ABCG5: variants seen among roughly 807,000 people sequenced by gnomAD.
ABCG5 encodes the protein ATP binding cassette subfamily G member 5, also known as ATP-binding cassette sub-family G member 5.
ABCG5 carries 64 observed loss-of-function variants against 64.5 expected under a neutral mutation model. That is an observed-to-expected ratio of 0.99 (90% CI 0.81 to 1.22). ABCG5 has a LOEUF of 1.22. ABCG5 is among the 50% of genes most tolerant of loss of function. The pLI is 0.00. For synonymous variants in ABCG5, 385 were observed against 326.3 expected (o/e 1.18, Z -1.94); for missense variants, 908 against 829.5 (o/e 1.09, Z -1.16).
Position 43,838,232 on chromosome 2 carries a change from A to T in ABCG5, c.144-277T>A. The stretch of plus-strand genomic sequence containing the variant: ...CTGCATTCTTTCACCAGGTTTCAAG[A>T]CTCCTTGCATTCGCAGTACCCCCAT... On this transcript the variant is annotated intron_variant, in intron 1 of 12. Transcript: ENST00000405322. The surrounding 1 kb of genome is among the most constrained non-coding windows in gnomAD (Gnocchi z 4.2). 1 of 592,910 alleles carries T rather than the reference A, an allele frequency of 1.7e-6. No homozygotes were observed. The highest frequency in any genetic ancestry group is 3.0e-6 in the Non-Finnish European group (1 of 335,236). The allele number at this position is 592,910 out of a possible 1,614,324, so 36.7% of individuals were successfully genotyped here. A position where few individuals can be genotyped will look rare whatever the true frequency, so the allele number is the denominator to read the frequency against.
At chr2:43,809,406 A>T (rs965677076), downstream of ABCG5, among the ~76,000 whole-genome samples, 2 of 152,248 alleles carry the variant, frequency 1.3e-5, no homozygotes, top group African/African-American at 4.8e-5. Flanking sequence ...ACAGATGTCT[A>T]GTTCATTAGT....
At chr2:43,810,380 G>A (rs748144134), downstream of ABCG5, 10 of 985,310 alleles carry the variant, frequency 1.0e-5, no homozygotes, top group Non-Finnish European at 1.2e-5. Context: ...TTGAAGAACA[G>A]GCACATCTAA....
chr2:43,823,135 GCAATA>G (rs1431835658), intron 9 of ABCG5, among the ~76,000 whole-genome samples, 200 bp from the exon 10 acceptor site: 2 of 152,158 alleles, frequency 1.3e-5, no homozygotes, highest in Non-Finnish European at 2.9e-5. Flanking sequence ...TACCAGAATT[GCAATA>G]CAATTGCAAA....
In ABCG5 at chr2:43,838,444, A is replaced by C; in HGVS notation, c.143+93T>G. On this transcript the variant is annotated intron_variant, in intron 1 of 12. Coordinates refer to ENST00000405322, the MANE Select transcript of ABCG5 (RefSeq NM_022436.3). This position sits in a 1 kb window ranked among gnomAD's most constrained non-coding sequence, Gnocchi z 4.2. Reference sequence around the variant, plus strand: ...TAAAGAGGGAGCCCGAAGTGCCCAGACTGGCACTTAAAGAGTGAAGAAAGG... The same window carrying C: ...TAAAGAGGGAGCCCGAAGTGCCCAGCCTGGCACTTAAAGAGTGAAGAAAGG... 7.8e-7 allele frequency: 1 copy of C among 1,277,728 alleles called. No individual in the cohort carries two copies. The highest frequency in any genetic ancestry group is 1.1e-6 in the Non-Finnish European group (1 of 907,970). 79.1% of individuals were successfully genotyped at this position (1,277,728 alleles called of 1,614,324 possible).
intron 5 of ABCG5, 141 bp from the exon 6 acceptor site, chr2:43,826,662 C>A: frequency 7.5e-7 from 1 of 1,336,298 alleles, no homozygotes. Flanking sequence ...TGTAAACTGG[C>A]TTTCAGCCTG....
Position 43,831,750 on chromosome 2 carries a change from A to T in ABCG5, c.501+19T>A. ...AAAGGTACTCAGTTTGCCCTCTGTG[A>T]GCGGGGGGCTGCACCCACCTTCTTC... is the stretch of plus-strand genomic sequence containing the variant. On this transcript the variant is annotated intron_variant, in intron 4 of 12. Coordinates refer to ENST00000405322, the MANE Select transcript of ABCG5 (RefSeq NM_022436.3). The T allele has an allele frequency of 6.4e-7, 1 of 1,562,088 alleles. No homozygotes were observed. The highest frequency in any genetic ancestry group is 1.2e-5 in the South Asian group (1 of 85,122).
At chr2:43,839,055 T>C (rs538699999), upstream of ABCG5, 91 of 1,550,914 alleles carry the variant, frequency 5.9e-5, no homozygotes, top group South Asian at 1.0e-3. Context: ...GTGGGCCCCA[T>C]GGCCGGGAAG....
Position 43,838,197 on chromosome 2 carries a change from G to A in ABCG5, c.144-242C>T. On this transcript the variant is annotated intron_variant, in intron 1 of 12. Coordinates refer to ENST00000405322, the MANE Select transcript of ABCG5 (RefSeq NM_022436.3). This position sits in a 1 kb window ranked among gnomAD's most constrained non-coding sequence, Gnocchi z 4.2. ...AATGTCCTGTCCGTTTGGCTGCGAG[G>A]TGGCTGTCCCTGCATTCTTTCACCA... 1.7e-6 allele frequency: 1 copy of A among 604,524 alleles called. No homozygotes were observed. Among genetic ancestry groups the A allele is most frequent in the East Asian group, 2.9e-5 (1 of 35,072 alleles). 37.4% of individuals were successfully genotyped at this position (604,524 alleles called of 1,614,324 possible).
rs547329559 is a variant in ABCG5, at chr2:43,814,062, TC to T, written c.1762+414del. On this transcript the variant is annotated intron_variant, in intron 12 of 12. Transcript: ENST00000405322. ...ATGAGGTCCTTGTCTTGGTTCTACTTCCATCTGGTGGGATTGAGGAATAGAC... is the reference window on the plus strand; with the variant it reads ...ATGAGGTCCTTGTCTTGGTTCTACTTCATCTGGTGGGATTGAGGAATAGAC... Among the ~76,000 whole-genome samples the T allele has an allele frequency of 2.6e-5, 4 of 152,274 alleles. No individual in the cohort carries two copies. The South Asian group carries it at 8.3e-4, about 32-fold the overall frequency.
rs144421803 is a variant in ABCG5 at position 43,833,744 on chromosome 2, G to A, written c.266-1661C>T. 7.9e-3 allele frequency among the ~76,000 whole-genome samples: 1,209 copies of A among 152,114 alleles called. 15 individuals carry two copies. Among genetic ancestry groups the A allele is most frequent in the African/African-American group, 0.028 (1,159 of 41,456 alleles). ...CTATTGCCCAGGCTGGAGTACAGTGGCAAGATCTCAGCTCACTGCAACCGC... is the reference window on the plus strand; with the variant it reads ...CTATTGCCCAGGCTGGAGTACAGTGACAAGATCTCAGCTCACTGCAACCGC... On this transcript the variant is annotated intron_variant, in intron 2 of 12. Transcript: ENST00000405322.
chr2:43,831,756 G>T lies in ABCG5; in HGVS notation c.501+13C>A. 1.3e-6 allele frequency: 2 copies of T among 1,566,740 alleles called. No individual in the cohort carries two copies. Among genetic ancestry groups the T allele is most frequent in the Middle Eastern group, 2.0e-4 (1 of 4,980 alleles). On this transcript the variant is annotated intron_variant, in intron 4 of 12. Transcript: ENST00000405322. ...ACTCAGTTTGCCCTCTGTGAGCGGG[G>T]GGCTGCACCCACCTTCTTCTGGAAG... is the stretch of plus-strand genomic sequence containing the variant.
chr2:43,820,132 C>G, intron 10 of ABCG5, 32 bp from the exon 11 acceptor site: 1 of 1,602,178 alleles, frequency 6.2e-7, no homozygotes, highest in South Asian at 1.1e-5. Context: ...AGTTTCCTCT[C>G]CAAGGGCTAT....
chr2:43,825,167 G>T, intron 6 of ABCG5, 149 bp from the exon 7 acceptor site: 1 of 906,666 alleles, frequency 1.1e-6, no homozygotes, highest in Non-Finnish European at 1.7e-6. Flanking sequence ...TAAGCAGTCA[G>T]TCCTTCGATG....
In ABCG5 at chr2:43,823,912, C is replaced by A. The variant is rs762490282; in HGVS notation, c.1324+1G>T. The A allele has an allele frequency of 1.2e-6, 2 of 1,613,876 alleles. No individual in the cohort carries two copies. The highest frequency in any genetic ancestry group is 1.7e-5 in the Admixed American group (1 of 60,022). On this transcript the variant is annotated splice_donor_variant, in intron 9 of 12. Coordinates refer to ENST00000405322, the MANE Select transcript of ABCG5 (RefSeq NM_022436.3). LOFTEE classifies it high-confidence loss of function. Reference sequence around the variant, plus strand: ...TGCACCTCCAGCACGTGGGCACTTACACAGATTCACAGCGTTCAGCATGCC... The same window carrying A: ...TGCACCTCCAGCACGTGGGCACTTAAACAGATTCACAGCGTTCAGCATGCC...
chr2:43,819,997 T>C lies in ABCG5; in HGVS notation c.1567A>G (p.Ile523Val), dbSNP rs140899003. The C allele has an allele frequency of 1.9e-3, 3,060 of 1,614,184 alleles. 10 individuals are homozygous for C. Among genetic ancestry groups the C allele is most frequent in the Non-Finnish European group, 2.1e-3 (2,421 of 1,180,042 alleles). ...TTGACTATATTTGGATTTTGGACGA[T>C]ACCAAGTAGCACAAGAGTTAGAAAT... ...GEFLTLVLLG[I>V]VQNPNIVNSV... Residue 523 changes from isoleucine (I) to valine (V), a missense_variant, in exon 11 of 13, where the codon ATC becomes GTC. Transcript: ENST00000405322.
At chr2:43,810,381 G>C (rs186836054), downstream of ABCG5, 125 of 985,270 alleles carry the variant, frequency 1.3e-4, no homozygotes, top group East Asian at 0.01. Context: ...TGAAGAACAG[G>C]CACATCTAAG....
In ABCG5 at chr2:43,838,807, A is replaced by G. The variant is rs1668448555; in HGVS notation, c.-128T>C. On this transcript the variant is annotated 5_prime_UTR_variant, in exon 1 of 13. Coordinates refer to ENST00000405322, the MANE Select transcript of ABCG5 (RefSeq NM_022436.3). This position sits in a 1 kb window ranked among gnomAD's most constrained non-coding sequence, Gnocchi z 4.2. ...TGACCCCGGAGTCCCTTGGGACAGCAGGACTGGGACTTGGCCACGGAGACC... is the reference window on the plus strand; with the variant it reads ...TGACCCCGGAGTCCCTTGGGACAGCGGGACTGGGACTTGGCCACGGAGACC... The G allele has an allele frequency of 6.6e-7, 1 of 1,524,832 alleles. No individual in the cohort carries two copies. The allele number at this position is 1,524,832 out of a possible 1,614,324, so 94.5% of individuals were successfully genotyped here.
chr2:43,817,825 G>A (rs1666940227), intron 11 of ABCG5, among the ~76,000 whole-genome samples: 2 of 151,546 alleles, frequency 1.3e-5, no homozygotes, highest in African/African-American at 2.4e-5. Context: ...CAGGAAAATC[G>A]CTTGAACATG....
intron 11 of ABCG5, among the ~76,000 whole-genome samples, chr2:43,818,673 A>G (rs1251335721): frequency 6.6e-6 from 1 of 152,142 alleles, no homozygotes; most frequent in African/African-American, 2.4e-5. Context: ...AATATTAACA[A>G]TCCACTTAAG....
Sources: allele counts gnomAD v4.1 joint callset (sites outside exome capture counted in the v4.1 genomes callset), GRCh38; gene constraint gnomAD v4.1.1; non-coding constraint Gnocchi (gnomAD v3.1); transcripts MANE v1.5; gene names NCBI Gene and HGNC (gene_info 2026-07-23, HGNC 2026-07-21).